Variants in SGCG observed in about 807,000 individuals in gnomAD.
SGCG encodes the protein sarcoglycan gamma, also known as gamma-sarcoglycan.
In SGCG, 26 loss-of-function variants were observed where a neutral mutation model predicts 29.3. That is an observed-to-expected ratio of 0.89 (90% CI 0.65 to 1.23). The LOEUF is 1.23. Ranked by LOEUF, SGCG falls within the 50% of genes most tolerant of loss-of-function variation. SGCG has a pLI of 0.00. For missense variants in SGCG, 353 were observed against 356.0 expected (o/e 0.99, Z 0.07); for synonymous variants, 145 against 129.7 (o/e 1.12, Z -0.80).
chr13:23,301,352 A>C (rs1484126107), intron 6 of SGCG, among the ~76,000 whole-genome samples: 1 of 152,220 alleles, frequency 6.6e-6, no homozygotes, highest in Non-Finnish European at 1.5e-5. Flanking sequence ...AATAGAAATT[A>C]TAGAAATGAG....
chr13:23,322,690 A>C (rs941938143), intron 7 of SGCG, among the ~76,000 whole-genome samples: 2 of 150,174 alleles, frequency 1.3e-5, no homozygotes, highest in Admixed American at 1.3e-4. Flanking sequence ...AAGAAGGCAC[A>C]TGGGTTTCCA....
At chr13:23,301,932 C>T (rs1882176141) in intron 6 of SGCG, among the ~76,000 whole-genome samples, 2 of 151,932 alleles carry the variant, frequency 1.3e-5, no homozygotes, top group South Asian at 4.2e-4. Flanking sequence ...GGGAACACTA[C>T]TTGATGATAA....
intron 4 of SGCG, among the ~76,000 whole-genome samples, chr13:23,252,877 A>G (rs1880030377): frequency 6.6e-6 from 1 of 152,172 alleles, no homozygotes; most frequent in East Asian, 1.9e-4. Context: ...GCTCAAGAGC[A>G]CATAGCTAGT....
chr13:23,259,103 G>A (rs980387223), intron 4 of SGCG, among the ~76,000 whole-genome samples: 1 of 152,176 alleles, frequency 6.6e-6, no homozygotes, highest in African/African-American at 2.4e-5. Flanking sequence ...GATTGGAATA[G>A]TTTCAGAAGG....
chr13:23,282,768 T>C (rs944447658), intron 5 of SGCG, among the ~76,000 whole-genome samples: 17 of 152,268 alleles, frequency 1.1e-4, no homozygotes, highest in African/African-American at 3.8e-4. Flanking sequence ...AACCTCAGCA[T>C]TGTTAACATT....
At chr13:23,175,559 A>T in the SGCG span, among the ~76,000 whole-genome samples, 15 of 152,164 alleles carry the variant, frequency 9.9e-5, no homozygotes, top group East Asian at 2.3e-3. Context: ...TGTATAACAT[A>T]ATACGGAAAT....
intron 3 of SGCG, among the ~76,000 whole-genome samples, chr13:23,241,267 T>C (rs970433641): frequency 1.3e-5 from 2 of 150,064 alleles, no homozygotes; most frequent in Non-Finnish European, 1.5e-5. Context: ...AATAAAATCA[T>C]AAATGAAAAA....
At chr13:23,317,439 A>T (rs1413768869) in intron 6 of SGCG, among the ~76,000 whole-genome samples, 1 of 146,532 alleles carries the variant, frequency 6.8e-6, no homozygotes, top group African/African-American at 2.7e-5. Flanking sequence ...AGGCAAAGGG[A>T]ATACAGAATG....
chr13:23,207,384 G>A (rs893401348), intron 2 of SGCG, among the ~76,000 whole-genome samples: 5 of 152,100 alleles, frequency 3.3e-5, no homozygotes, highest in Non-Finnish European at 7.4e-5. Context: ...AACATTTGGG[G>A]AAAAGCTTCA....
intron 4 of SGCG, among the ~76,000 whole-genome samples, chr13:23,256,298 T>C (rs1880173014): frequency 6.6e-6 from 1 of 152,196 alleles, no homozygotes; most frequent in South Asian, 2.1e-4. Flanking sequence ...AATGAAATCT[T>C]TGAAATACCA....
chr13:23,194,075 G>A (rs2025975), intron 1 of SGCG, among the ~76,000 whole-genome samples: 5,480 of 152,260 alleles, frequency 0.036, 198 homozygotes, highest in East Asian at 0.21. Context: ...AAATAGGAAA[G>A]TGAATATTGG....
At chr13:23,240,529 T>G (rs1200231702) in intron 3 of SGCG, among the ~76,000 whole-genome samples, 1 of 152,226 alleles carries the variant, frequency 6.6e-6, no homozygotes, top group Non-Finnish European at 1.5e-5. Flanking sequence ...TCTTTTCAAG[T>G]GCACAGGGAA....
intron 5 of SGCG, among the ~76,000 whole-genome samples, chr13:23,294,479 T>C (rs1238220035): frequency 1.3e-5 from 2 of 152,190 alleles, no homozygotes; most frequent in African/African-American, 4.8e-5. Flanking sequence ...TCTCCATATG[T>C]TCATAAAAGT....
intron 2 of SGCG, among the ~76,000 whole-genome samples, chr13:23,221,420 T>C (rs1056131448): frequency 6.6e-6 from 1 of 152,176 alleles, no homozygotes; most frequent in Admixed American, 6.5e-5. Context: ...TCTGAAGCAA[T>C]GCCAATTATT....
chr13:23,208,251 G>A (rs1474059890), intron 2 of SGCG, among the ~76,000 whole-genome samples: 1 of 152,050 alleles, frequency 6.6e-6, no homozygotes, highest in East Asian at 1.9e-4. Flanking sequence ...AATTAACAAA[G>A]TTTGGCATGG....
chr13:23,191,941 T>C (rs1305953681), intron 1 of SGCG, among the ~76,000 whole-genome samples: 1 of 151,900 alleles, frequency 6.6e-6, no homozygotes, highest in Non-Finnish European at 1.5e-5. Flanking sequence ...ATCCCAGCAC[T>C]TAGGTGGGCG....
At chr13:23,263,496 T>A (rs1239902573) in intron 4 of SGCG, among the ~76,000 whole-genome samples, 1 of 151,902 alleles carries the variant, frequency 6.6e-6, no homozygotes, top group Non-Finnish European at 1.5e-5. Context: ...AAGAAACTGC[T>A]GAAAACAACA....
At chr13:23,232,239 G>A (rs996111670) in intron 2 of SGCG, among the ~76,000 whole-genome samples, 7 of 152,088 alleles carry the variant, frequency 4.6e-5, no homozygotes, top group African/African-American at 1.7e-4. Flanking sequence ...ATGTCAGTTC[G>A]AATCGTAGTT....
chr13:23,274,532 C>T (rs1429243443), intron 4 of SGCG, among the ~76,000 whole-genome samples: 2 of 151,402 alleles, frequency 1.3e-5, no homozygotes, highest in African/African-American at 4.9e-5. Context: ...ACGCCATTCT[C>T]CTGCCTCAGC....
Sources: allele counts gnomAD v4.1 joint callset (sites outside exome capture counted in the v4.1 genomes callset), GRCh38; gene constraint gnomAD v4.1.1; transcripts MANE v1.5; gene names NCBI Gene and HGNC (gene_info 2026-07-23, HGNC 2026-07-21).